Variants in ZNF655 observed in about 807,000 individuals in gnomAD.
The protein encoded by ZNF655 is zinc finger protein 655.
In ZNF655, 3 loss-of-function variants were observed where a neutral mutation model predicts 6.6. That is an observed-to-expected ratio of 0.46 (90% CI 0.21 to 1.18). ZNF655 has a LOEUF of 1.18. Ranked by LOEUF, ZNF655 falls within the 50% of genes most tolerant of loss-of-function variation. The pLI is 0.24. For synonymous variants in ZNF655, 178 were observed against 195.0 expected (o/e 0.91, Z 0.73); for missense variants, 526 against 572.3 (o/e 0.92, Z 0.83).
chr7:99,564,157 A>G, intron 2 of ZNF655: 2 of 1,470,950 alleles, frequency 1.4e-6, no homozygotes, highest in East Asian at 2.4e-5. Context: ...TTCAAATGTT[A>G]GGGTCCAAGG....
Position 99,573,751 on chromosome 7 carries a change from G to C in ZNF655, c.*167G>C, listed in dbSNP as rs1460264109. The C allele has an allele frequency of 1.3e-6, 1 of 760,650 alleles. No individual in the cohort carries two copies. Among genetic ancestry groups the C allele is most frequent in the Non-Finnish European group, 2.1e-6 (1 of 484,694 alleles). 47.1% of individuals were successfully genotyped at this position (760,650 alleles called of 1,614,324 possible). ...CACACCAGAGAGAAACCCTCTGAATGTGACGAATGAAGAAAAGGTATTAGT... is the reference window on the plus strand; with the variant it reads ...CACACCAGAGAGAAACCCTCTGAATCTGACGAATGAAGAAAAGGTATTAGT... On this transcript the variant is annotated 3_prime_UTR_variant, in exon 3 of 3. Transcript: ENST00000252713.
At chr7:99,568,783 G>A (rs79725688) in intron 2 of ZNF655, among the ~76,000 whole-genome samples, 10,507 of 150,790 alleles carry the variant, frequency 0.07, 738 homozygotes, top group East Asian at 0.31. Context: ...TTCGTTTGTT[G>A]GTTGATTGAC....
At chr7:99,563,156 T>C (rs1210105277) in intron 2 of ZNF655, 1 of 453,686 alleles carries the variant, frequency 2.2e-6, no homozygotes, top group Non-Finnish European at 4.4e-6. Flanking sequence ...GGTCAATGCT[T>C]AACTCATGTC....
At chr7:99,559,415 C>T (rs1480293010) in intron 1 of ZNF655, among the ~76,000 whole-genome samples, 2 of 150,800 alleles carry the variant, frequency 1.3e-5, no homozygotes, top group African/African-American at 4.9e-5. Flanking sequence ...TACGTAAACG[C>T]GGGCCTGTCA....
chr7:99,572,535 A>G lies in ZNF655; in HGVS notation c.427A>G (p.Thr143Ala). ...EPEKSFSLDS[T>A]IDADQRVLRI... is the part of the protein sequence containing the mutation. ...CGAAAAAAGCTTCAGTCTGGACTCT[A>G]CTATTGATGCAGATCAGAGAGTTCT... is the stretch of plus-strand genomic sequence containing the variant. Residue 143 changes from threonine (T) to alanine (A), a missense_variant, in exon 3 of 3, where the codon ACT becomes GCT. Physicochemically the swap from Thr to Ala is moderately conservative, Grantham distance 58 (BLOSUM62 0). Transcript: ENST00000252713. 1 of 1,614,000 alleles carries G rather than the reference A, an allele frequency of 6.2e-7. No individual in the cohort carries two copies. The highest frequency in any genetic ancestry group is 8.5e-7 in the Non-Finnish European group (1 of 1,179,960).
In ZNF655 at chr7:99,572,165, T is replaced by G. The variant is rs1005076362; in HGVS notation, c.137-80T>G. Reference sequence around the variant, plus strand: ...TTGTCCTTGTAGATACTACATTGTTTAGTTTTCTCATCTGAGTTTTCTTTT... The same window carrying G: ...TTGTCCTTGTAGATACTACATTGTTGAGTTTTCTCATCTGAGTTTTCTTTT... On this transcript the variant is annotated intron_variant, in intron 2 of 2. Transcript: ENST00000252713. 2.8e-6 allele frequency: 4 copies of G among 1,421,686 alleles called. No homozygotes were observed. The African/African-American group carries it at 4.3e-5, about 15-fold the overall frequency. 88.1% of individuals were successfully genotyped at this position (1,421,686 alleles called of 1,614,324 possible).
chr7:99,566,164 C>T (rs1280890514), intron 2 of ZNF655, among the ~76,000 whole-genome samples: 2 of 152,134 alleles, frequency 1.3e-5, no homozygotes, highest in African/African-American at 2.4e-5. Context: ...GTTAAGTGAT[C>T]TTTGCAGGAT....
At chr7:99,566,021 A>ATGTG (rs34698828) in intron 2 of ZNF655, among the ~76,000 whole-genome samples, 215 of 149,970 alleles carry the variant, frequency 1.4e-3, no homozygotes, top group African/African-American at 3.8e-3. Context: ...GGACATTTAT[A>ATGTG]TGTGTGTGTG....
In ZNF655 at chr7:99,560,610, T is replaced by G. The variant is rs201164137; in HGVS notation, c.51T>G (p.Phe17Leu). 10 of 1,614,086 alleles carry G rather than the reference T, an allele frequency of 6.2e-6. No homozygotes were observed. Among genetic ancestry groups the G allele is most frequent in the Non-Finnish European group, 8.5e-6 (10 of 1,180,028 alleles). Residue 17 changes from phenylalanine (F) to leucine (L), a missense_variant, in exon 2 of 3, where the codon TTT (phenylalanine) becomes TTG (leucine). Coordinates refer to ENST00000252713, the MANE Select transcript of ZNF655 (RefSeq NM_138494.3). ...CAGCAGGGTCACCAAGGGTCCAGTT[T>G]CAGTCTTTGGAGACCCAGTCTGAGT... ...QEAAGSPRVQ[F>L]QSLETQSECL...
At chr7:99,569,478 TA>T (rs1803873877) in intron 2 of ZNF655, among the ~76,000 whole-genome samples, 1 of 152,146 alleles carries the variant, frequency 6.6e-6, no homozygotes, top group African/African-American at 2.4e-5. Context: ...TTTTTTTTAC[TA>T]GCAGATTGTT....
intron 2 of ZNF655, chr7:99,560,953 A>T: frequency 3.1e-6 from 1 of 323,092 alleles, no homozygotes. Context: ...GGCAACCTTC[A>T]CTTCATCCCA....
chr7:99,559,971 T>C (rs1190624993), intron 1 of ZNF655, among the ~76,000 whole-genome samples: 2 of 152,066 alleles, frequency 1.3e-5, no homozygotes, highest in African/African-American at 4.8e-5. Context: ...TTTACACTAT[T>C]AAATTGTACC....
chr7:99,564,493 G>T lies in ZNF655; in HGVS notation c.136+3798G>T, dbSNP rs538762459. On this transcript the variant is annotated intron_variant, in intron 2 of 2. Transcript: ENST00000252713. The stretch of plus-strand genomic sequence containing the variant: ...CCTACCCTTTATTCTTTGTGGTTCT[G>T]TACAGATTGATGCAATTATATTGCC... 5.1e-6 allele frequency: 5 copies of T among 987,628 alleles called. No individual in the cohort carries two copies. The South Asian group carries it at 1.9e-4, about 37-fold the overall frequency. 61.2% of individuals were successfully genotyped at this position (987,628 alleles called of 1,614,324 possible).
Position 99,573,356 on chromosome 7 carries a change from T to G in ZNF655, c.1248T>G (p.Ala416=). ...KAHECNECGK[A]FSQTSCLIQH... The stretch of plus-strand genomic sequence containing the variant: ...ATGAATGTAATGAATGTGGAAAAGC[T>G]TTCAGTCAAACCTCATGCCTTATTC... The change falls in exon 3 of 3, where the codon GCT becomes GCG. Residue 416 remains alanine, a synonymous_variant. Coordinates refer to ENST00000252713, the MANE Select transcript of ZNF655 (RefSeq NM_138494.3). The G allele has an allele frequency of 6.2e-7, 1 of 1,614,144 alleles. No individual in the cohort carries two copies. The highest frequency in any genetic ancestry group is 8.5e-7 in the Non-Finnish European group (1 of 1,180,018).
At chr7:99,569,748 C>T (rs1803893538) in intron 2 of ZNF655, among the ~76,000 whole-genome samples, 1 of 152,088 alleles carries the variant, frequency 6.6e-6, no homozygotes. Context: ...ATACCCTGTT[C>T]TCTCTTCTAA....
At chr7:99,563,283 T>C (rs1803352030) in intron 2 of ZNF655, 1 of 275,350 alleles carries the variant, frequency 3.6e-6, no homozygotes, top group East Asian at 1.3e-4. Context: ...ATTGTTCCTT[T>C]TTCTTTAGTT....
In ZNF655 at chr7:99,558,657, C is replaced by T. The variant is rs964685367; in HGVS notation, c.-158C>T. ...GGGGGCCCTCATTCGGGACCCTGCA[C>T]TCCGTCGCCGGAAGTGCCACCGAGA... On this transcript the variant is annotated 5_prime_UTR_variant, in exon 1 of 3. Coordinates refer to ENST00000252713, the MANE Select transcript of ZNF655 (RefSeq NM_138494.3). The T allele has an allele frequency of 6.6e-6, 1 of 151,902 alleles. No homozygotes were observed. Among genetic ancestry groups the T allele is most frequent in the African/African-American group, 2.4e-5 (1 of 41,310 alleles). 9.4% of individuals were successfully genotyped at this position (151,902 alleles called of 1,614,324 possible). A position where few individuals can be genotyped will look rare whatever the true frequency, so the allele number is the denominator to read the frequency against.
At chr7:99,569,120 A>G (rs981763022) in intron 2 of ZNF655, among the ~76,000 whole-genome samples, 1 of 152,054 alleles carries the variant, frequency 6.6e-6, no homozygotes, top group Non-Finnish European at 1.5e-5. Context: ...TGCGACTCCA[A>G]TTATTTAGGA....
At position 99,575,171 on chromosome 7, in the gene ZNF655, T is replaced by C. The variant is rs1324400742; in HGVS notation, c.*1587T>C. ...TCATCCAGTGCCTATTCTGCATGCC[T>C]AAGCTTAGAGTTCTTTTATATACCT... On this transcript the variant is annotated 3_prime_UTR_variant, in exon 3 of 3. Coordinates refer to ENST00000252713, the MANE Select transcript of ZNF655 (RefSeq NM_138494.3). 6.6e-6 allele frequency: 1 copy of C among 152,658 alleles called. No individual in the cohort carries two copies. The highest frequency in any genetic ancestry group is 1.5e-5 in the Non-Finnish European group (1 of 68,066). 9.5% of individuals were successfully genotyped at this position (152,658 alleles called of 1,614,324 possible).
Sources: allele counts gnomAD v4.1 joint callset (sites outside exome capture counted in the v4.1 genomes callset), GRCh38; gene constraint gnomAD v4.1.1; transcripts MANE v1.5; gene names NCBI Gene and HGNC (gene_info 2026-07-23, HGNC 2026-07-21).